The following FANCA variants were observed in gnomAD, a reference collection of about 807,000 sequenced individuals.
The protein encoded by FANCA is Fanconi anemia group A protein.
Under a neutral mutation model 194.3 loss-of-function variants are expected in FANCA, and 236 were observed. The observed-to-expected ratio is 1.21, with a 90% CI of 1.09 to 1.35. The LOEUF (loss-of-function observed/expected upper bound fraction) is 1.35. Among genes scored for constraint, FANCA ranks in the 40% most tolerant of loss-of-function variants. The pLI is 0.00. For missense variants in FANCA, 2,628 were observed against 1,813.9 expected (o/e 1.45, Z -8.15); for synonymous variants, 1,014 against 715.8 (o/e 1.42, Z -6.65).
intron 20 of FANCA, 200 bp downstream of exon 20, chr16:89,778,601 C>G (rs2039593504): frequency 1.8e-6 from 1 of 549,720 alleles, no homozygotes; most frequent in Admixed American, 3.5e-5. Context: ...GCACTCCAAG[C>G]CTGGGTGACA....
At position 89,809,551 on chromosome 16, in the gene FANCA, TA is replaced by T. The variant is rs374355832; in HGVS notation, c.522+1155del. Among the ~76,000 whole-genome samples the T allele has an allele frequency of 1.6e-3, 238 of 151,668 alleles. 1 individual carries two copies. Among genetic ancestry groups the T allele is most frequent in the African/African-American group, 5.1e-3 (210 of 41,348 alleles). On this transcript the variant is annotated intron_variant, in intron 5 of 42. Transcript: ENST00000389301. The stretch of plus-strand genomic sequence containing the variant: ...CAACATGGTGAAACCTCATCTCTAC[TA>T]AAGATACAAAAATTGGGCAGGGCGC...
At chr16:89,812,646 C>CAAAAAAAAAAAAAAAAAAAA (rs71137677) in intron 3 of FANCA, among the ~76,000 whole-genome samples, 51 of 42,314 alleles carry the variant, frequency 1.2e-3, no homozygotes, top group Non-Finnish European at 2.2e-3. Flanking sequence ...TACTCCGTCT[C>CAAAAAAAAAAAAAAAAAAAA]AAAAAAAAAA....
intron 29 of FANCA, 117 bp downstream of exon 29, chr16:89,761,832 C>G: frequency 1.2e-6 from 1 of 830,054 alleles, no homozygotes; most frequent in South Asian, 1.3e-5. Context: ...CCCCATGTTG[C>G]CCAGGCTGAC....
intron 28 of FANCA, chr16:89,762,751 C>G (rs1229615723): frequency 4.4e-6 from 2 of 453,138 alleles, no homozygotes; most frequent in African/African-American, 4.0e-5. Context: ...CCCCCTCAGC[C>G]TCTCAGATGG....
In FANCA at chr16:89,769,839, C is replaced by G. The variant is rs770993950; in HGVS notation, c.2502G>C (p.Leu834=). 1 of 1,614,084 alleles carries G rather than the reference C, an allele frequency of 6.2e-7. No homozygotes were observed. Among genetic ancestry groups the G allele is most frequent in the Non-Finnish European group, 8.5e-7 (1 of 1,180,006 alleles). The change falls in exon 26 of 43, where the codon CTG becomes CTC. Residue 834 remains leucine, a splice_region_variant and synonymous_variant. Coordinates refer to ENST00000389301, the MANE Select transcript of FANCA (RefSeq NM_000135.4). The part of the protein sequence containing the change: ...CRTRDSLFFC[L]KFCTAAISYS... Reference sequence around the variant, plus strand: ...GCGACTGTGGAAGAAGAGCTCACTTCAGGCAGAAGAACAAGGAATCCCTCG... The same window carrying G: ...GCGACTGTGGAAGAAGAGCTCACTTGAGGCAGAAGAACAAGGAATCCCTCG...
At chr16:89,812,399 C>CT (rs1383315700) in intron 3 of FANCA, among the ~76,000 whole-genome samples, 1 of 151,710 alleles carries the variant, frequency 6.6e-6, no homozygotes, top group Admixed American at 6.6e-5. Context: ...GTAATCCCAG[C>CT]ACTTTGGGAG....
chr16:89,793,931 T>C (rs8046185), intron 11 of FANCA, among the ~76,000 whole-genome samples: 1 of 152,004 alleles, frequency 6.6e-6, no homozygotes, highest in Non-Finnish European at 1.5e-5. Context: ...TTGTATTTTT[T>C]AGTAGAGATG....
At chr16:89,757,054 T>C (rs572724754) in intron 30 of FANCA, among the ~76,000 whole-genome samples, 4 of 152,152 alleles carry the variant, frequency 2.6e-5, no homozygotes, top group Admixed American at 1.3e-4. Context: ...TCACAGCTCA[T>C]TGCAACCTCT....
intron 12 of FANCA, 129 bp downstream of exon 12, chr16:89,792,342 G>C: frequency 9.5e-7 from 1 of 1,053,268 alleles, no homozygotes; most frequent in Non-Finnish European, 1.5e-6. Flanking sequence ...GATGAGGACA[G>C]CCACATCTCA....
At chr16:89,770,422 G>C (rs1173911896) in intron 24 of FANCA, 142 bp downstream of exon 24, 1 of 1,017,656 alleles carries the variant, frequency 9.8e-7, no homozygotes. Flanking sequence ...CCCAACTTCT[G>C]CTGCGTCCTA....
At chr16:89,792,889 G>A (rs544769451) in intron 11 of FANCA, among the ~76,000 whole-genome samples, 31 of 152,274 alleles carry the variant, frequency 2.0e-4, no homozygotes, top group African/African-American at 7.0e-4. Flanking sequence ...CCTGGAAGCC[G>A]AGGCAGAGAG....
At chr16:89,791,574 G>A (rs373455390) in intron 13 of FANCA, 38 bp from the exon 14 acceptor site, 27 of 1,612,516 alleles carry the variant, frequency 1.7e-5, no homozygotes, top group Middle Eastern at 1.7e-4. Context: ...GCAAGGCAAG[G>A]GCAGCCAGCA....
At chr16:89,753,237 G>C (rs921053079) in intron 30 of FANCA, among the ~76,000 whole-genome samples, 1 of 152,174 alleles carries the variant, frequency 6.6e-6, no homozygotes, top group Non-Finnish European at 1.5e-5. Context: ...CCTATCATTG[G>C]AGGTGACTCA....
chr16:89,816,611 G>T lies in FANCA; in HGVS notation c.5C>A (p.Ser2Tyr). ...GGCGGAGTTCGGGACCCACGAGTCG[G>T]ACATGGCCTTGGCGCCTACAGCCCC... Reference protein sequence around the residue: MSDSWVPNSASG... With the variant: MYDSWVPNSASG... The change falls in exon 1 of 43, where the codon TCC becomes TAC. Residue 2 changes from serine (S) to tyrosine (Y), a missense_variant. Transcript: ENST00000389301. The T allele has an allele frequency of 6.6e-7, 1 of 1,525,146 alleles. No individual in the cohort carries two copies. Among genetic ancestry groups the T allele is most frequent in the African/African-American group, 1.4e-5 (1 of 70,680 alleles). 94.5% of individuals were successfully genotyped at this position (1,525,146 alleles called of 1,614,324 possible). A position where few individuals can be genotyped will look rare whatever the true frequency, so the allele number is the denominator to read the frequency against.
chr16:89,765,161 C>CCA, intron 27 of FANCA, 95 bp from the exon 28 acceptor site: 1 of 1,395,518 alleles, frequency 7.2e-7, no homozygotes, highest in Non-Finnish European at 1.0e-6. Flanking sequence ...CATCAACAGC[C>CCA]CACACACACA....
chr16:89,798,446 G>C, intron 10 of FANCA: 4 of 1,090,008 alleles, frequency 3.7e-6, no homozygotes, highest in African/African-American at 1.6e-5. Flanking sequence ...GTTACTGTGA[G>C]GGATGGGAAA....
chr16:89,739,199 GAGCTGGACCAGCTTCAA>G lies in FANCA; in HGVS notation c.4084_4100del (p.Lys1363ArgfsTer56). 6.2e-7 allele frequency: 1 copy of G among 1,614,194 alleles called. No homozygotes were observed. Among genetic ancestry groups the G allele is most frequent in the Non-Finnish European group, 8.5e-7 (1 of 1,180,052 alleles). On this transcript the variant is annotated frameshift_variant, in exon 41 of 43. Transcript: ENST00000389301. LOFTEE classifies it high-confidence loss of function. ...CTGTGCTTGTATCCCCAGCCACGAAGAGCTGGACCAGCTTCAAGTACATGTCCACAGCAACATGCAGG... is the reference window on the plus strand; with the variant it reads ...CTGTGCTTGTATCCCCAGCCACGAAGGTACATGTCCACAGCAACATGCAGG...
intron 29 of FANCA, among the ~76,000 whole-genome samples, chr16:89,760,943 G>A (rs1023964078): frequency 2.0e-5 from 3 of 152,128 alleles, no homozygotes; most frequent in African/African-American, 7.2e-5. Context: ...GCCCAGCCAG[G>A]GTAGGGTGAA....
At chr16:89,777,502 G>A (rs546678295) in intron 20 of FANCA, among the ~76,000 whole-genome samples, 2 of 151,722 alleles carry the variant, frequency 1.3e-5, no homozygotes, top group Admixed American at 6.6e-5. Flanking sequence ...GAGGTGGGTG[G>A]ATCACAAGAT....
Sources: gnomAD v4.1 joint callset for allele counts (sites outside exome capture counted in the v4.1 genomes callset) on GRCh38, gnomAD v4.1.1 for gene constraint, MANE v1.5 for transcripts, NCBI Gene and HGNC (gene_info 2026-07-23, HGNC 2026-07-21) for gene names.